Variants in ZFHX3 observed in about 807,000 individuals in gnomAD.
The protein encoded by ZFHX3 is zinc finger homeobox 3, also known as zinc finger homeobox protein 3.
Under a neutral mutation model 279.1 loss-of-function variants are expected in ZFHX3, and 42 were observed. That is an observed-to-expected ratio of 0.15 (90% confidence interval 0.12 to 0.19). ZFHX3 has a LOEUF of 0.19. ZFHX3 is among the 10% of genes least tolerant of loss of function. ZFHX3 has a pLI of 1.00. For missense variants in ZFHX3, 4,981 were observed against 4,754.0 expected (o/e 1.05, Z -1.40); for synonymous variants, 2,293 against 1,957.8 (o/e 1.17, Z -4.52).
chr16:72,884,515 A>G (rs1196409921), intron 4 of ZFHX3, among the ~76,000 whole-genome samples: 1 of 152,222 alleles, frequency 6.6e-6, no homozygotes, highest in Non-Finnish European at 1.5e-5. Flanking sequence ...AGCCTTATAT[A>G]TAATAGGTCG....
At chr16:73,745,363 G>A (rs929830202) in intron 1 of ZFHX3, among the ~76,000 whole-genome samples, 1 of 152,180 alleles carries the variant, frequency 6.6e-6, no homozygotes, top group African/African-American at 2.4e-5. Context: ...AAGGAGGCTA[G>A]TTTAAGATTA....
intron 3 of ZFHX3, among the ~76,000 whole-genome samples, chr16:73,359,334 A>G (rs1453554824): frequency 6.6e-6 from 1 of 152,170 alleles, no homozygotes; most frequent in Non-Finnish European, 1.5e-5. Flanking sequence ...AGGTAGGGAC[A>G]CAGGGGTGAA....
chr16:73,481,352 C>A (rs2018862162), intron 2 of ZFHX3, among the ~76,000 whole-genome samples: 1 of 151,926 alleles, frequency 6.6e-6, no homozygotes, highest in Non-Finnish European at 1.5e-5. Flanking sequence ...GAACAAAGTC[C>A]TAAATCCAGA....
intron 2 of ZFHX3, among the ~76,000 whole-genome samples, chr16:73,570,949 CAA>C (rs71156173): frequency 0.01 from 1,473 of 142,066 alleles, 30 homozygotes; most frequent in African/African-American, 0.036. Context: ...CTTTTCTTCT[CAA>C]AAAAAAAAAA....
rs749178256 is a variant in ZFHX3, at chr16:72,950,932, C to G, written c.2753G>C (p.Gly918Ala). 6.2e-7 allele frequency: 1 copy of G among 1,614,016 alleles called. No homozygotes were observed. Among genetic ancestry groups the G allele is most frequent in the East Asian group, 2.2e-5 (1 of 44,870 alleles). ...CTCCTCTGACACCAGCTGCCCGCCC[C>G]CGAGCCGCATGTCTAGGGGGATCTC... The part of the protein sequence containing the change: ...GGEIPLDMRL[G>A]GGQLVSEELM... Residue 918 changes from glycine (G) to alanine (A), a missense_variant, in exon 3 of 10, where the codon GGG becomes GCG. Around this residue, in one of 7 missense-constraint regions of ZFHX3, gnomAD observed 1,751 missense variants for 1,770.0 expected, o/e 0.99. Coordinates refer to ENST00000268489, the MANE Select transcript of ZFHX3 (RefSeq NM_006885.4).
At chr16:73,423,414 G>C (rs1291043907) in intron 3 of ZFHX3, among the ~76,000 whole-genome samples, 1 of 152,092 alleles carries the variant, frequency 6.6e-6, no homozygotes, top group East Asian at 1.9e-4. Flanking sequence ...CTTGCCCTAG[G>C]GTCTTATCCT....
Position 73,471,071 on chromosome 16 carries a change from G to T in ZFHX3, c.-1546-14813C>A, listed in dbSNP as rs555562146. On this transcript the variant is annotated intron_variant, in intron 2 of 17. Transcript: ENST00000641206. Reference sequence around the variant, plus strand: ...TTTTCTTTAAATATTTCTCTTTAGAGGAAGTAATGTAGCACTTAATGTCTA... The same window carrying T: ...TTTTCTTTAAATATTTCTCTTTAGATGAAGTAATGTAGCACTTAATGTCTA... Among the ~76,000 whole-genome samples, 20 of 152,288 alleles carry T rather than the reference G, an allele frequency of 1.3e-4. No individual in the cohort carries two copies. In the East Asian group the frequency reaches 3.9e-3, roughly 29 times the overall value.
intron 3 of ZFHX3, among the ~76,000 whole-genome samples, chr16:72,921,349 G>A (rs1287400852): frequency 6.6e-6 from 1 of 152,144 alleles, no homozygotes; most frequent in Non-Finnish European, 1.5e-5. Context: ...TAGACCCCAT[G>A]GCGAAAAATG....
chr16:73,424,853 T>G (rs1408832587), intron 3 of ZFHX3, among the ~76,000 whole-genome samples: 1 of 151,126 alleles, frequency 6.6e-6, no homozygotes, highest in East Asian at 1.9e-4. Flanking sequence ...CATCTTTTTT[T>G]GTTTGTTTGT....
At chr16:73,382,420 A>G (rs1019776456) in intron 3 of ZFHX3, among the ~76,000 whole-genome samples, 4 of 152,236 alleles carry the variant, frequency 2.6e-5, no homozygotes, top group African/African-American at 7.2e-5. Context: ...AGAAAAAGAC[A>G]AACAACCCAA....
intron 2 of ZFHX3, among the ~76,000 whole-genome samples, chr16:73,574,398 T>C (rs575607470): frequency 1.3e-5 from 2 of 152,216 alleles, no homozygotes; most frequent in South Asian, 2.1e-4. Flanking sequence ...GATTCTCAGA[T>C]CATTTTCATA....
At chr16:73,612,602 A>G (rs1009386277) in intron 2 of ZFHX3, among the ~76,000 whole-genome samples, 1 of 152,234 alleles carries the variant, frequency 6.6e-6, no homozygotes, top group Non-Finnish European at 1.5e-5. Context: ...TGTAAATTAC[A>G]TTGCAATAAA....
At chr16:73,074,052 C>T (rs1220192794) in intron 8 of ZFHX3, among the ~76,000 whole-genome samples, 2 of 152,178 alleles carry the variant, frequency 1.3e-5, no homozygotes, top group East Asian at 1.9e-4. Flanking sequence ...CACTTCTTAT[C>T]AGTTTTTGTC....
intron 3 of ZFHX3, among the ~76,000 whole-genome samples, chr16:72,942,857 G>A (rs1473489573): frequency 6.6e-6 from 1 of 152,154 alleles, no homozygotes; most frequent in Non-Finnish European, 1.5e-5. Flanking sequence ...AGAGTTCAAT[G>A]AAGGCAAACT....
Position 73,735,843 on chromosome 16 carries a change from G to A in ZFHX3, c.-1607-55603C>T, listed in dbSNP as rs144295073. Among the ~76,000 whole-genome samples, 41 of 151,492 alleles carry A rather than the reference G, an allele frequency of 2.7e-4. No homozygotes were observed. The East Asian group carries it at 7.8e-3, about 29-fold the overall frequency. On this transcript the variant is annotated intron_variant, in intron 1 of 17. Transcript: ENST00000641206. ...TTTTGAATTAGTGTTGCCCATAGGTGACATTCTGTGCAAGATTTGGAAGGC... is the reference window on the plus strand; with the variant it reads ...TTTTGAATTAGTGTTGCCCATAGGTAACATTCTGTGCAAGATTTGGAAGGC...
At chr16:73,049,192 T>C (rs534732208), upstream of ZFHX3, among the ~76,000 whole-genome samples, 1 of 152,360 alleles carries the variant, frequency 6.6e-6, no homozygotes, top group East Asian at 1.9e-4. Context: ...CCGGAAGTCC[T>C]CTGTCCTCCC....
chr16:73,415,926 C>T (rs1302335263), intron 3 of ZFHX3, among the ~76,000 whole-genome samples: 3 of 151,994 alleles, frequency 2.0e-5, no homozygotes, highest in African/African-American at 7.2e-5. Context: ...TCAAGACTAG[C>T]CTGGCCAACA....
At chr16:73,785,762 T>C (rs74028480) in intron 1 of ZFHX3, among the ~76,000 whole-genome samples, 15,478 of 152,232 alleles carry the variant, frequency 0.1, 2,647 homozygotes, top group African/African-American at 0.35. Context: ...AAAGCTGATG[T>C]TATTCATATT....
intron 1 of ZFHX3, among the ~76,000 whole-genome samples, chr16:73,813,010 T>C (rs1386780738): frequency 6.6e-6 from 1 of 152,240 alleles, no homozygotes; most frequent in East Asian, 1.9e-4. Context: ...ATATTACTCC[T>C]ACTGTGAAAA....
Sources: allele counts gnomAD v4.1 joint callset (sites outside exome capture counted in the v4.1 genomes callset), GRCh38; gene constraint gnomAD v4.1.1; regional missense constraint gnomAD v4.1.1; transcripts MANE v1.5; gene names NCBI Gene and HGNC (gene_info 2026-07-23, HGNC 2026-07-21).